GLIS3: variants seen among roughly 807,000 people sequenced by gnomAD.
GLIS3 encodes zinc finger protein GLIS3.
Under a neutral mutation model 78.6 loss-of-function variants are expected in GLIS3, and 53 were observed. The ratio of observed to expected loss-of-function variants is 0.67; its 90% confidence interval spans 0.54 to 0.85. GLIS3 has a LOEUF of 0.85. Ranked by LOEUF, GLIS3 falls within the 40% of genes least tolerant of loss-of-function variation. GLIS3 has a pLI of 0.00. For synonymous variants in GLIS3, 684 were observed against 509.9 expected, an observed-to-expected ratio of 1.34 and a Z score of -4.60; for missense variants, 1,703 against 1,231.1, an observed-to-expected ratio of 1.38 and a Z score of -5.74.
At chr9:4,261,978 G>A (rs1587203223) in intron 2 of GLIS3, among the ~76,000 whole-genome samples, 1 of 152,206 alleles carries the variant, frequency 6.6e-6, no homozygotes, top group East Asian at 1.9e-4. Flanking sequence ...ACAAAGGGCT[G>A]TGTTCTAAAA....
chr9:4,448,904 G>C, the GLIS3 span, among the ~76,000 whole-genome samples: 2 of 152,196 alleles, frequency 1.3e-5, no homozygotes, highest in Admixed American at 6.5e-5. Flanking sequence ...AGAGTGATGG[G>C]TGCAGAAGAC....
intron 2 of GLIS3, among the ~76,000 whole-genome samples, chr9:4,141,734 A>ATATC (rs1248421743): frequency 6.6e-6 from 1 of 152,232 alleles, no homozygotes; most frequent in Non-Finnish European, 1.5e-5. Context: ...GAAGGCTGAA[A>ATATC]TATCTACCTT....
At chr9:4,194,710 C>A (rs1168200902) in intron 2 of GLIS3, among the ~76,000 whole-genome samples, 2 of 152,156 alleles carry the variant, frequency 1.3e-5, no homozygotes, top group Admixed American at 6.5e-5. Flanking sequence ...AGTGAAGCCC[C>A]AGTACCTGAG....
At chr9:4,247,976 G>C (rs925762685) in intron 2 of GLIS3, among the ~76,000 whole-genome samples, 5 of 152,084 alleles carry the variant, frequency 3.3e-5, no homozygotes, top group African/African-American at 1.2e-4. Flanking sequence ...CTGTGCAGTA[G>C]ATCTCAACTA....
At chr9:4,235,600 C>T (rs1417935079) in intron 2 of GLIS3, among the ~76,000 whole-genome samples, 1 of 152,090 alleles carries the variant, frequency 6.6e-6, no homozygotes, top group Admixed American at 6.5e-5. Flanking sequence ...TTCCAATAGC[C>T]AGCAGTCCTC....
intron 8 of GLIS3, among the ~76,000 whole-genome samples, chr9:3,859,708 T>C (rs1343209522): frequency 1.3e-5 from 2 of 152,196 alleles, no homozygotes; most frequent in African/African-American, 4.8e-5. Flanking sequence ...CAGTTGACAC[T>C]TCAGAGATTT....
chr9:4,037,768 T>C (rs1042074328), intron 4 of GLIS3, among the ~76,000 whole-genome samples: 4 of 152,250 alleles, frequency 2.6e-5, no homozygotes, highest in South Asian at 2.1e-4. Context: ...GGTCACTTAA[T>C]TAATTTGCAG....
the GLIS3 span, among the ~76,000 whole-genome samples, chr9:4,361,156 G>T: frequency 6.6e-6 from 1 of 152,150 alleles, no homozygotes; most frequent in African/African-American, 2.4e-5. Context: ...GCTGCCAGCT[G>T]CCAGCTGTCC....
At chr9:4,017,461 C>G (rs1026070199) in intron 4 of GLIS3, among the ~76,000 whole-genome samples, 1 of 152,082 alleles carries the variant, frequency 6.6e-6, no homozygotes, top group African/African-American at 2.4e-5. Flanking sequence ...CACATGAGCG[C>G]GCGTAATACA....
intron 4 of GLIS3, among the ~76,000 whole-genome samples, chr9:4,307,601 TGGC>T (rs1030579680): frequency 2.0e-5 from 3 of 152,170 alleles, no homozygotes; most frequent in African/African-American, 7.2e-5. Context: ...TTAGATTACA[TGGC>T]AAAAAGGACT....
At chr9:4,461,590 CT>C in the GLIS3 span, among the ~76,000 whole-genome samples, 2 of 152,200 alleles carry the variant, frequency 1.3e-5, no homozygotes, top group African/African-American at 4.8e-5. Context: ...AATCCTTCCT[CT>C]GGGAGCTTGT....
chr9:4,383,790 T>C, the GLIS3 span, among the ~76,000 whole-genome samples: 1 of 152,264 alleles, frequency 6.6e-6, no homozygotes, highest in African/African-American at 2.4e-5. Flanking sequence ...TTGTGTTGAT[T>C]GACCACAAAC....
intron 3 of GLIS3, among the ~76,000 whole-genome samples, chr9:4,309,349 T>G (rs1349126151): frequency 2.0e-5 from 3 of 152,226 alleles, no homozygotes; most frequent in African/African-American, 7.2e-5. Flanking sequence ...AATACTTTTT[T>G]AAAAAACAAG....
the GLIS3 span, among the ~76,000 whole-genome samples, chr9:4,446,043 A>C: frequency 6.6e-6 from 1 of 152,170 alleles, no homozygotes; most frequent in Non-Finnish European, 1.5e-5. Flanking sequence ...TTATATTTCA[A>C]TTTTCAAGAT....
intron 2 of GLIS3, among the ~76,000 whole-genome samples, chr9:4,243,145 G>C (rs930210058): frequency 6.6e-6 from 1 of 152,148 alleles, no homozygotes; most frequent in East Asian, 1.9e-4. Context: ...ACCCTAGGGA[G>C]ACTGACACCT....
At chr9:4,370,888 A>G in the GLIS3 span, among the ~76,000 whole-genome samples, 1 of 152,132 alleles carries the variant, frequency 6.6e-6, no homozygotes, top group Non-Finnish European at 1.5e-5. Context: ...CAAATTAGTG[A>G]AACCTCAGAA....
At chr9:4,261,743 C>G (rs1048961839) in intron 2 of GLIS3, among the ~76,000 whole-genome samples, 1 of 152,170 alleles carries the variant, frequency 6.6e-6, no homozygotes, top group Non-Finnish European at 1.5e-5. Flanking sequence ...AAACGCAATT[C>G]CCATTTCAGA....
chr9:4,372,462 C>T, the GLIS3 span, among the ~76,000 whole-genome samples: 5 of 151,326 alleles, frequency 3.3e-5, no homozygotes, highest in Non-Finnish European at 7.4e-5. Flanking sequence ...AACATGCAAA[C>T]CAACCAGTCC....
At chr9:4,283,014 G>C (rs1436814542) in intron 2 of GLIS3, among the ~76,000 whole-genome samples, 1 of 151,878 alleles carries the variant, frequency 6.6e-6, no homozygotes, top group Non-Finnish European at 1.5e-5. Context: ...TTCCCTCCAA[G>C]TTTTGAGTGC....
Sources: gnomAD v4.1 joint callset for allele counts (sites outside exome capture counted in the v4.1 genomes callset) on GRCh38, gnomAD v4.1.1 for gene constraint, MANE v1.5 for transcripts, NCBI Gene and HGNC (gene_info 2026-07-23, HGNC 2026-07-21) for gene names.